Variants in TACR1 observed in about 807,000 individuals in gnomAD.
TACR1 encodes substance-P receptor.
TACR1 carries 25 observed loss-of-function variants against 35.8 expected under a neutral mutation model. That is an observed-to-expected ratio of 0.70 (90% CI 0.51 to 0.98). The LOEUF (loss-of-function observed/expected upper bound fraction) is 0.98. Ranked by LOEUF, TACR1 falls within the 50% of genes least tolerant of loss-of-function variation. The probability of loss-of-function intolerance (pLI) is 0.00; values close to 1 mark genes in which losing one functional copy is unlikely to be tolerated. For synonymous variants in TACR1, 195 were observed against 206.7 expected (o/e 0.94, Z 0.48); for missense variants, 478 against 522.9 (o/e 0.91, Z 0.84).
chr2:75,170,892 G>C (rs1470888019), intron 1 of TACR1, among the ~76,000 whole-genome samples: 2 of 152,114 alleles, frequency 1.3e-5, no homozygotes, highest in Admixed American at 1.3e-4. Flanking sequence ...TCAGTTTTAT[G>C]TAGTCACAAA....
intron 2 of TACR1, among the ~76,000 whole-genome samples, chr2:75,068,724 G>A (rs2422095): frequency 0.26 from 39,458 of 151,910 alleles, 6,771 homozygotes; most frequent in African/African-American, 0.46. Flanking sequence ...AGCATAACTC[G>A]GGACACCACT....
intron 2 of TACR1, among the ~76,000 whole-genome samples, chr2:75,115,300 C>A (rs1000924257): frequency 2.6e-5 from 4 of 152,116 alleles, no homozygotes; most frequent in Non-Finnish European, 4.4e-5. Context: ...TCATTATTTT[C>A]CCCCATCAGA....
intron 2 of TACR1, among the ~76,000 whole-genome samples, chr2:75,081,785 AT>A (rs1673091363): frequency 6.6e-6 from 1 of 152,162 alleles, no homozygotes; most frequent in African/African-American, 2.4e-5. Flanking sequence ...AGCATGACCT[AT>A]AACTTAAATA....
At chr2:75,063,736 T>C (rs1672710776) in intron 2 of TACR1, among the ~76,000 whole-genome samples, 1 of 152,216 alleles carries the variant, frequency 6.6e-6, no homozygotes, top group Non-Finnish European at 1.5e-5. Context: ...ACAAATCTCC[T>C]CTTATTTCTG....
intron 1 of TACR1, among the ~76,000 whole-genome samples, chr2:75,195,847 CTT>C (rs1285048716): frequency 6.6e-6 from 1 of 152,086 alleles, no homozygotes; most frequent in East Asian, 1.9e-4. Flanking sequence ...TTTCTGAAAA[CTT>C]TTGAATAACA....
chr2:75,119,750 T>G (rs962199983), intron 2 of TACR1, among the ~76,000 whole-genome samples: 1 of 152,328 alleles, frequency 6.6e-6, no homozygotes, highest in African/African-American at 2.4e-5. Context: ...GTGTTTCACC[T>G]GCACATATTC....
Position 75,198,784 on chromosome 2 carries a change from C to T in TACR1, c.151G>A (p.Val51Met), listed in dbSNP as rs147650877. 3.1e-6 allele frequency: 5 copies of T among 1,614,062 alleles called. No individual in the cohort carries two copies. Among genetic ancestry groups the T allele is most frequent in the African/African-American group, 1.3e-5 (1 of 74,934 alleles). Residue 51 changes from valine to methionine, a missense_variant, in exon 1 of 5, where the codon GTG (valine) becomes ATG (methionine). By Grantham distance (21) the Val-to-Met change is conservative. Transcript: ENST00000305249. ...GCTAAGATGATCCACATCACTACCA[C>T]GTTGCCCACCACAGAGGTCACCACA... ...VIVVTSVVGN[V>M]VVMWIILAHK...
At position 75,093,160 on chromosome 2, in the gene TACR1, A is replaced by G. The variant is rs567657455; in HGVS notation, c.584+27414T>C. 9.2e-5 allele frequency among the ~76,000 whole-genome samples: 14 copies of G among 152,258 alleles called. No homozygotes were observed. In the East Asian group the frequency reaches 2.1e-3, roughly 23 times the overall value. On this transcript the variant is annotated intron_variant, in intron 2 of 4. Transcript: ENST00000305249. Reference sequence around the variant, plus strand: ...AATATGTTGCAGTTTCATTATTACAATTTACAACAGCCTACACATGTTTAA... The same window carrying G: ...AATATGTTGCAGTTTCATTATTACAGTTTACAACAGCCTACACATGTTTAA...
intron 1 of TACR1, among the ~76,000 whole-genome samples, chr2:75,182,988 G>T (rs1675594558): frequency 6.6e-6 from 1 of 152,132 alleles, no homozygotes; most frequent in Non-Finnish European, 1.5e-5. Flanking sequence ...TCTCCCAATT[G>T]ACTGTAAGCT....
intron 2 of TACR1, among the ~76,000 whole-genome samples, chr2:75,067,139 C>A (rs569694995): frequency 6.6e-6 from 1 of 152,066 alleles, no homozygotes; most frequent in Admixed American, 6.5e-5. Flanking sequence ...AAGACAGGGA[C>A]TTTTTTTTGA....
At chr2:75,146,609 G>A (rs1168512916) in intron 1 of TACR1, among the ~76,000 whole-genome samples, 1 of 152,192 alleles carries the variant, frequency 6.6e-6, no homozygotes, top group African/African-American at 2.4e-5. Context: ...GTACCAAAGT[G>A]GAGATGAGGA....
At chr2:75,109,224 A>G (rs1673705979) in intron 2 of TACR1, among the ~76,000 whole-genome samples, 1 of 152,138 alleles carries the variant, frequency 6.6e-6, no homozygotes, top group Non-Finnish European at 1.5e-5. Flanking sequence ...CTCGCGGGCC[A>G]ATGTGCACTT....
intron 1 of TACR1, among the ~76,000 whole-genome samples, chr2:75,173,402 G>A (rs906917128): frequency 1.4e-4 from 21 of 152,114 alleles, no homozygotes. Flanking sequence ...TTTTGAGCCT[G>A]CTTTACTGTA....
At chr2:75,136,136 A>C (rs55966538) in intron 1 of TACR1, among the ~76,000 whole-genome samples, 3,541 of 152,248 alleles carry the variant, frequency 0.023, 126 homozygotes, top group African/African-American at 0.081. Flanking sequence ...GCCTTGTAGA[A>C]AGAAACCCAG....
chr2:75,062,804 C>G (rs567540576), intron 2 of TACR1, among the ~76,000 whole-genome samples: 63 of 152,318 alleles, frequency 4.1e-4, no homozygotes, highest in African/African-American at 1.5e-3. Context: ...TATCAGGTAT[C>G]ATAGTTTTTG....
At chr2:75,096,545 T>A (rs1176153051) in intron 2 of TACR1, among the ~76,000 whole-genome samples, 1 of 152,216 alleles carries the variant, frequency 6.6e-6, no homozygotes, top group East Asian at 1.9e-4. Context: ...AATTGCACTT[T>A]GTATTGTACA....
intron 1 of TACR1, among the ~76,000 whole-genome samples, chr2:75,155,600 A>G (rs1674828822): frequency 6.6e-6 from 1 of 152,258 alleles, no homozygotes; most frequent in Non-Finnish European, 1.5e-5. Flanking sequence ...GCTCAGATAC[A>G]GACAAACAAG....
At chr2:75,171,551 C>A (rs936607198) in intron 1 of TACR1, among the ~76,000 whole-genome samples, 1 of 152,170 alleles carries the variant, frequency 6.6e-6, no homozygotes, top group South Asian at 2.1e-4. Flanking sequence ...ATCCACCGAC[C>A]GCTTGCACTA....
At chr2:75,151,335 T>C (rs1674665652) in intron 1 of TACR1, among the ~76,000 whole-genome samples, 1 of 152,164 alleles carries the variant, frequency 6.6e-6, no homozygotes, top group African/African-American at 2.4e-5. Flanking sequence ...AAAGTGTTTT[T>C]GTGGATCTGG....
Sources: allele counts gnomAD v4.1 joint callset (sites outside exome capture counted in the v4.1 genomes callset), GRCh38; gene constraint gnomAD v4.1.1; transcripts MANE v1.5; gene names NCBI Gene and HGNC (gene_info 2026-07-23, HGNC 2026-07-21).